Variants in UBAC2 observed in about 807,000 individuals in gnomAD.
The protein encoded by UBAC2 is ubiquitin-associated domain-containing protein 2.
Under a neutral mutation model 44.0 loss-of-function variants are expected in UBAC2, and 26 were observed. The ratio of observed to expected loss-of-function variants is 0.59; its 90% CI spans 0.43 to 0.82. The LOEUF (loss-of-function observed/expected upper bound fraction) is 0.82. Among genes scored for constraint, UBAC2 ranks in the 40% least tolerant of loss-of-function variants. The pLI is 0.00. For synonymous variants in UBAC2, 155 were observed against 154.3 expected (o/e 1.00, Z -0.04); for missense variants, 329 against 419.4 (o/e 0.78, Z 1.88).
chr13:99,318,432 G>A (rs1189211468), intron 6 of UBAC2, among the ~76,000 whole-genome samples: 1 of 151,494 alleles, frequency 6.6e-6, no homozygotes, highest in Non-Finnish European at 1.5e-5. Flanking sequence ...CTCCCAAAGT[G>A]CTGGGATTAC....
At chr13:99,269,883 T>C (rs2043794750) in intron 4 of UBAC2, among the ~76,000 whole-genome samples, 1 of 152,206 alleles carries the variant, frequency 6.6e-6, no homozygotes. Flanking sequence ...AGTTATTAAA[T>C]GGGGATCATA....
chr13:99,347,617 C>T (rs1038184644), intron 7 of UBAC2, among the ~76,000 whole-genome samples: 1 of 151,944 alleles, frequency 6.6e-6, no homozygotes, highest in East Asian at 1.9e-4. Flanking sequence ...GGCATATTCC[C>T]ATTCCACAGC....
At chr13:99,298,319 C>A (rs2044207038) in intron 4 of UBAC2, among the ~76,000 whole-genome samples, 1 of 152,068 alleles carries the variant, frequency 6.6e-6, no homozygotes, top group Admixed American at 6.5e-5. Context: ...TGCTTGACTA[C>A]AGTGCAGCTA....
chr13:99,340,315 T>C lies in UBAC2; in HGVS notation c.562-5T>C. 1 of 1,612,588 alleles carries C rather than the reference T, an allele frequency of 6.2e-7. No homozygotes were observed. The highest frequency in any genetic ancestry group is 8.5e-7 in the Non-Finnish European group (1 of 1,178,942). ...AAACAATCACATTGGACGTTTTTCT[T>C]CTAGATGTCCGGTCTGTGCTACGAC... On this transcript the variant is annotated splice_polypyrimidine_tract_variant and splice_region_variant and intron_variant, in intron 6 of 8. Transcript: ENST00000403766.
chr13:99,343,932 A>G (rs535615190), intron 7 of UBAC2, among the ~76,000 whole-genome samples: 34 of 152,338 alleles, frequency 2.2e-4, no homozygotes, highest in African/African-American at 7.2e-4. Context: ...TCAACAAATA[A>G]GTACTTAGTG....
At chr13:99,321,153 G>T (rs981538529) in intron 6 of UBAC2, among the ~76,000 whole-genome samples, 1 of 152,116 alleles carries the variant, frequency 6.6e-6, no homozygotes, top group African/African-American at 2.4e-5. Flanking sequence ...TTAAGAAAAA[G>T]AGTATTTTTT....
chr13:99,220,695 A>C (rs1408718334), intron 1 of UBAC2, among the ~76,000 whole-genome samples: 1 of 152,150 alleles, frequency 6.6e-6, no homozygotes, highest in Non-Finnish European at 1.5e-5. Context: ...ACTTTTTCTT[A>C]ACCTTCTGTT....
At chr13:99,313,096 C>A in intron 4 of UBAC2, 1 of 152,582 alleles carries the variant, frequency 6.6e-6, no homozygotes, top group East Asian at 1.9e-4. Context: ...ATTCTCCTGC[C>A]TCAGCCTCCC....
chr13:99,295,428 T>G lies in UBAC2; in HGVS notation c.390-18669T>G. 6.8e-6 allele frequency: 11 copies of G among 1,614,176 alleles called. No homozygotes were observed. Among genetic ancestry groups the G allele is most frequent in the Non-Finnish European group, 9.3e-6 (11 of 1,180,032 alleles). On this transcript the variant is annotated intron_variant, in intron 4 of 8. Transcript: ENST00000403766. The surrounding 1 kb of genome is among the most constrained non-coding windows in gnomAD (Gnocchi z 4.1). The stretch of plus-strand genomic sequence containing the variant: ...AGAATAATTGTGTTGAGAGCCTTTT[T>G]GTTTACACCAGATTTCTCAGTGAGT...
At chr13:99,277,845 G>A (rs972263202) in intron 4 of UBAC2, among the ~76,000 whole-genome samples, 1 of 152,236 alleles carries the variant, frequency 6.6e-6, no homozygotes, top group South Asian at 2.1e-4. Flanking sequence ...CCTCTAATCT[G>A]GAGGTGGGTG....
At chr13:99,332,316 GT>G (rs1447944724) in intron 6 of UBAC2, among the ~76,000 whole-genome samples, 28 of 152,122 alleles carry the variant, frequency 1.8e-4, no homozygotes, top group Non-Finnish European at 1.5e-5. Flanking sequence ...TGTTTTGCAT[GT>G]TTTCTACCCA....
At chr13:99,347,361 TACTGGAAGACCACC>T (rs1219004731) in intron 7 of UBAC2, among the ~76,000 whole-genome samples, 4 of 111,182 alleles carry the variant, frequency 3.6e-5, no homozygotes, top group African/African-American at 1.4e-4. Flanking sequence ...GTGAAGATGA[TACTGGAAGACCACC>T]ACTGGATTCA....
intron 5 of UBAC2, chr13:99,314,874 C>A (rs1313357578): frequency 1.3e-5 from 2 of 152,220 alleles, no homozygotes; most frequent in Non-Finnish European, 2.9e-5. Context: ...AGTTTTCTAT[C>A]TGTACTACCT....
chr13:99,210,852 TCCAC>T (rs2042930289), intron 1 of UBAC2, among the ~76,000 whole-genome samples: 2 of 152,152 alleles, frequency 1.3e-5, no homozygotes, highest in Non-Finnish European at 2.9e-5. Context: ...CCTCAGGTGA[TCCAC>T]CCACCTCGGC....
chr13:99,316,544 C>T (rs1003520793), intron 5 of UBAC2, among the ~76,000 whole-genome samples: 21 of 152,148 alleles, frequency 1.4e-4, no homozygotes, highest in Admixed American at 2.0e-4. Flanking sequence ...TGGGCTATGA[C>T]GTTGTGGGCT....
At chr13:99,293,459 C>T (rs1157434456) in intron 4 of UBAC2, among the ~76,000 whole-genome samples, 9 of 152,148 alleles carry the variant, frequency 5.9e-5, no homozygotes, top group Non-Finnish European at 1.5e-5. Context: ...GTAGTCTTCA[C>T]GATGGTTCCT....
chr13:99,386,093 C>G lies in UBAC2; in HGVS notation c.*758C>G, dbSNP rs563578649. On this transcript the variant is annotated 3_prime_UTR_variant, in exon 9 of 9. Transcript: ENST00000403766. Reference sequence around the variant, plus strand: ...TGGCTGGCCTGGCATGGGCTCAGCCCAGGAAGAGGAGAAACGATCCCTTGC... The same window carrying G: ...TGGCTGGCCTGGCATGGGCTCAGCCGAGGAAGAGGAGAAACGATCCCTTGC... 6.6e-6 allele frequency: 1 copy of G among 152,238 alleles called. No homozygotes were observed. Among genetic ancestry groups the G allele is most frequent in the Non-Finnish European group, 1.5e-5 (1 of 68,064 alleles). The allele number at this position is 152,238 out of a possible 1,614,324, so 9.4% of individuals were successfully genotyped here. A position where few individuals can be genotyped will look rare whatever the true frequency, so the allele number is the denominator to read the frequency against.
intron 4 of UBAC2, among the ~76,000 whole-genome samples, chr13:99,288,551 A>C (rs1422008577): frequency 1.3e-5 from 2 of 152,230 alleles, no homozygotes; most frequent in Non-Finnish European, 2.9e-5. Flanking sequence ...TTGGATATGC[A>C]TTATCAGAGA....
intron 7 of UBAC2, among the ~76,000 whole-genome samples, chr13:99,353,590 T>C (rs1470606900): frequency 2.0e-5 from 3 of 152,264 alleles, no homozygotes; most frequent in Non-Finnish European, 4.4e-5. Context: ...ATTCTTTTCC[T>C]GGGTTTTCCT....
Sources: gnomAD v4.1 joint callset for allele counts (sites outside exome capture counted in the v4.1 genomes callset) on GRCh38, gnomAD v4.1.1 for gene constraint, Gnocchi (gnomAD v3.1) non-coding constraint, MANE v1.5 for transcripts, NCBI Gene and HGNC (gene_info 2026-07-23, HGNC 2026-07-21) for gene names.